The following OVCH1 variants were observed in gnomAD, a reference collection of about 807,000 sequenced individuals.
The protein encoded by OVCH1 is ovochymase-1.
OVCH1 carries 139 observed loss-of-function variants against 138.4 expected under a neutral mutation model. The ratio of observed to expected loss-of-function variants is 1.00; its 90% CI spans 0.87 to 1.16. The LOEUF (loss-of-function observed/expected upper bound fraction) is 1.16, where lower values mean the gene tolerates loss of function less well. OVCH1 is among the 50% of genes most tolerant of loss of function. The probability of loss-of-function intolerance (pLI) is 0.00; values close to 1 mark genes in which losing one functional copy is unlikely to be tolerated. For missense variants in OVCH1, 1,367 were observed against 1,357.9 expected, an observed-to-expected ratio of 1.01 and a Z score of -0.11; for synonymous variants, 453 against 467.8, an observed-to-expected ratio of 0.97 and a Z score of 0.41.
At chr12:29,470,627 G>A (rs56179940) in intron 16 of OVCH1, among the ~76,000 whole-genome samples, 24,272 of 152,018 alleles carry the variant, frequency 0.16, 2,063 homozygotes, top group African/African-American at 0.22. Flanking sequence ...ATTGATGGGC[G>A]TTTGAGTTGG....
intron 22 of OVCH1, among the ~76,000 whole-genome samples, chr12:29,447,078 C>T (rs1374969624): frequency 6.6e-6 from 1 of 151,742 alleles, no homozygotes; most frequent in East Asian, 1.9e-4. Flanking sequence ...ATAAACATGA[C>T]AAAGGAAAAT....
At chr12:29,449,276 TACACACACACACAC>T (rs10651165) in intron 22 of OVCH1, among the ~76,000 whole-genome samples, 5,143 of 137,428 alleles carry the variant, frequency 0.037, 116 homozygotes, top group South Asian at 0.054. Context: ...CCCCCCTCCC[TACACACACACACAC>T]ACACACACAC....
chr12:29,406,289 T>A, the OVCH1 span, among the ~76,000 whole-genome samples: 1 of 152,122 alleles, frequency 6.6e-6, no homozygotes, highest in Non-Finnish European at 1.5e-5. Flanking sequence ...ACCCAGGAAG[T>A]CACCTTTATT....
chr12:29,408,765 T>G (rs1489547898), downstream of OVCH1, among the ~76,000 whole-genome samples: 2 of 149,560 alleles, frequency 1.3e-5, no homozygotes, highest in African/African-American at 4.9e-5. Flanking sequence ...TGGTCTAAAA[T>G]TCTCTTTTTT....
chr12:29,463,255 G>T (rs1034359294), intron 18 of OVCH1, among the ~76,000 whole-genome samples: 2 of 152,270 alleles, frequency 1.3e-5, no homozygotes, highest in Admixed American at 1.3e-4. Flanking sequence ...CAGGTAGTGC[G>T]GAATGTGATG....
intron 19 of OVCH1, among the ~76,000 whole-genome samples, chr12:29,457,067 C>A (rs1274365906): frequency 6.6e-6 from 1 of 152,024 alleles, no homozygotes; most frequent in African/African-American, 2.4e-5. Context: ...ACAGAAGAAA[C>A]CTTAAGTAGG....
chr12:29,423,970 G>T (rs1362217781), downstream of OVCH1, among the ~76,000 whole-genome samples: 1 of 152,150 alleles, frequency 6.6e-6, no homozygotes, highest in East Asian at 1.9e-4. Context: ...AAAATGCCGA[G>T]ACCAGCTCGG....
At chr12:29,496,619 T>A (rs1463805790) in exon 2 of OVCH1, 2 of 1,613,934 alleles carry the variant, frequency 1.2e-6, no homozygotes, top group Non-Finnish European at 1.7e-6. Context: ...AGAATCTAGA[T>A]CCCACGGCAG....
chr12:29,486,243 C>T lies in OVCH1; in HGVS notation c.995+3G>A, dbSNP rs372889850. The T allele has an allele frequency of 7.3e-5, 117 of 1,607,360 alleles. No individual in the cohort carries two copies. The African/African-American group carries it at 1.5e-3, about 20-fold the overall frequency. On this transcript the variant is annotated splice_donor_region_variant and intron_variant, in intron 8 of 27. Coordinates refer to ENST00000318184, the Ensembl canonical transcript of OVCH1. ...CAGCTTCCTTCTCTAATTAGAACCACACATACCCTTTCCTCTCTGGCTTCC... is the reference window on the plus strand; with the variant it reads ...CAGCTTCCTTCTCTAATTAGAACCATACATACCCTTTCCTCTCTGGCTTCC...
At chr12:29,445,333 G>T (rs1285703704) in exon 23 of OVCH1, 1 of 1,611,638 alleles carries the variant, frequency 6.2e-7, no homozygotes. Flanking sequence ...CAAGGGCATG[G>T]AATGTCACCC....
chr12:29,472,140 A>C (rs926511680), intron 15 of OVCH1, among the ~76,000 whole-genome samples, 158 bp from the exon 16 acceptor site: 1 of 152,224 alleles, frequency 6.6e-6, no homozygotes, highest in African/African-American at 2.4e-5. Flanking sequence ...ATCTGATTTT[A>C]AGAAGCCTTC....
intron 21 of OVCH1, among the ~76,000 whole-genome samples, chr12:29,452,871 A>C (rs1242692553): frequency 3.3e-5 from 5 of 152,322 alleles, no homozygotes; most frequent in African/African-American, 1.2e-4. Context: ...CTCCGAAAAT[A>C]ATCATAGAAT....
At chr12:29,493,748 C>T (rs1943336638) in intron 4 of OVCH1, among the ~76,000 whole-genome samples, 1 of 152,080 alleles carries the variant, frequency 6.6e-6, no homozygotes, top group Admixed American at 6.5e-5. Flanking sequence ...GTAACTTTCA[C>T]TGCTTTAAAC....
chr12:29,492,733 C>A (rs778454641), intron 4 of OVCH1, among the ~76,000 whole-genome samples: 1 of 151,970 alleles, frequency 6.6e-6, no homozygotes, highest in Non-Finnish European at 1.5e-5. Context: ...AATTATTGAT[C>A]CTGGATGAGG....
intron 25 of OVCH1, chr12:29,439,584 T>C: frequency 9.5e-7 from 1 of 1,057,684 alleles, no homozygotes. Context: ...TCACACCAGA[T>C]GTATGGGATT....
chr12:29,455,459 C>A, intron 19 of OVCH1, 54 bp from the exon 20 acceptor site: 1 of 1,523,498 alleles, frequency 6.6e-7, no homozygotes, highest in Admixed American at 2.2e-5. Context: ...GAAGCTCCTG[C>A]TTTCAGTTTT....
At chr12:29,489,969 A>G (rs1943230370) in intron 5 of OVCH1, among the ~76,000 whole-genome samples, 198 bp from the exon 6 acceptor site, 2 of 152,242 alleles carry the variant, frequency 1.3e-5, no homozygotes. Context: ...CAGATTTTTA[A>G]GGTAACATAG....
At chr12:29,497,553 T>C in intron 1 of OVCH1, 70 bp downstream of exon 1, 1 of 1,573,862 alleles carries the variant, frequency 6.4e-7, no homozygotes, top group Non-Finnish European at 8.7e-7. Flanking sequence ...AGGCAAGGAG[T>C]AATGAAGTCT....
intron 26 of OVCH1, chr12:29,433,822 A>T: frequency 7.2e-7 from 1 of 1,391,506 alleles, no homozygotes. Context: ...TACTAAAATT[A>T]AGTAAAATGT....
Sources: allele counts gnomAD v4.1 joint callset (sites outside exome capture counted in the v4.1 genomes callset), GRCh38; gene constraint gnomAD v4.1.1; transcripts MANE v1.5; gene names NCBI Gene and HGNC (gene_info 2026-07-23, HGNC 2026-07-21).